EPHA3: variants seen among roughly 807,000 people sequenced by gnomAD.
EPHA3 encodes EPH receptor A3.
A neutral mutation model predicts 107.1 loss-of-function variants in EPHA3; 42 were observed. The ratio of observed to expected loss-of-function variants is 0.39; its 90% CI spans 0.31 to 0.51. The LOEUF (loss-of-function observed/expected upper bound fraction) is 0.51. EPHA3 is among the 20% of genes least tolerant of loss of function. EPHA3 has a pLI of 0.78. For synonymous variants in EPHA3, 461 were observed against 424.8 expected (o/e 1.09, Z -1.05); for missense variants, 1,183 against 1,211.2 (o/e 0.98, Z 0.35).
chr3:89,366,230 G>A (rs1455344146), intron 5 of EPHA3, among the ~76,000 whole-genome samples: 1 of 150,464 alleles, frequency 6.6e-6, no homozygotes, highest in Admixed American at 6.7e-5. Flanking sequence ...GTTCCTTTTG[G>A]TTCCAGAACC....
intron 2 of EPHA3, among the ~76,000 whole-genome samples, chr3:89,148,096 G>A (rs1037391427): frequency 6.6e-6 from 1 of 151,930 alleles, no homozygotes; most frequent in Non-Finnish European, 1.5e-5. Flanking sequence ...GCATGAACTT[G>A]TGTGTTGATT....
intron 5 of EPHA3, among the ~76,000 whole-genome samples, chr3:89,369,014 G>C (rs1708239678): frequency 6.6e-6 from 1 of 150,544 alleles, no homozygotes; most frequent in African/African-American, 2.4e-5. Context: ...TTGAACTCAA[G>C]TAATCTGACA....
chr3:89,439,511 T>C (rs777055439), intron 13 of EPHA3, among the ~76,000 whole-genome samples: 1 of 152,194 alleles, frequency 6.6e-6, no homozygotes, highest in South Asian at 2.1e-4. Flanking sequence ...CAATTGCAAA[T>C]TGTCAGTATC....
intron 13 of EPHA3, among the ~76,000 whole-genome samples, chr3:89,434,838 T>G (rs1043082945): frequency 6.6e-6 from 1 of 152,158 alleles, no homozygotes; most frequent in African/African-American, 2.4e-5. Context: ...ACAAATAGGC[T>G]CATTCACCAC....
At chr3:89,248,079 C>T (rs556661551) in intron 3 of EPHA3, among the ~76,000 whole-genome samples, 25 of 152,124 alleles carry the variant, frequency 1.6e-4, no homozygotes, top group Non-Finnish European at 2.5e-4. Flanking sequence ...TATCAAGTCA[C>T]CTTACTATTT....
At chr3:89,186,505 T>C (rs1254599816) in intron 2 of EPHA3, among the ~76,000 whole-genome samples, 1 of 152,160 alleles carries the variant, frequency 6.6e-6, no homozygotes, top group Non-Finnish European at 1.5e-5. Context: ...AATTTCACTC[T>C]GTGAAATGAG....
chr3:89,251,436 T>A (rs563283289), intron 3 of EPHA3, among the ~76,000 whole-genome samples: 23 of 152,200 alleles, frequency 1.5e-4, no homozygotes, highest in African/African-American at 2.9e-4. Flanking sequence ...ATATATAAAT[T>A]GAAAATGATA....
intron 2 of EPHA3, among the ~76,000 whole-genome samples, chr3:89,181,756 C>T (rs1251214549): frequency 3.9e-5 from 6 of 151,932 alleles, no homozygotes; most frequent in Non-Finnish European, 5.9e-5. Context: ...GGCAGCAGAT[C>T]GTTAAATCTA....
intron 3 of EPHA3, among the ~76,000 whole-genome samples, chr3:89,303,445 C>CAA (rs67736700): frequency 0.33 from 38,136 of 114,262 alleles, 5,290 homozygotes; most frequent in African/African-American, 0.37. Context: ...TATAAAAAGG[C>CAA]AAAAAAAAAA....
intron 2 of EPHA3, among the ~76,000 whole-genome samples, chr3:89,187,469 TTAA>T (rs1197047040): frequency 6.6e-6 from 1 of 151,156 alleles, no homozygotes; most frequent in Admixed American, 6.6e-5. Flanking sequence ...TTAATGTGTA[TTAA>T]TAAATAATTG....
chr3:89,387,251 T>C (rs914647462), intron 5 of EPHA3, among the ~76,000 whole-genome samples: 8 of 152,148 alleles, frequency 5.3e-5, no homozygotes, highest in African/African-American at 1.7e-4. Context: ...CCATGTGTCC[T>C]AGGAGGGAAC....
At chr3:89,475,677 T>A (rs908241193) in intron 16 of EPHA3, among the ~76,000 whole-genome samples, 6 of 152,212 alleles carry the variant, frequency 3.9e-5, no homozygotes, top group Non-Finnish European at 7.3e-5. Flanking sequence ...ATTAAGTGTG[T>A]GGAATGAATA....
At chr3:89,347,794 T>G (rs1351151221) in intron 5 of EPHA3, among the ~76,000 whole-genome samples, 1 of 150,836 alleles carries the variant, frequency 6.6e-6, no homozygotes, top group Non-Finnish European at 1.5e-5. Context: ...GTCCCATCAA[T>G]ACCTAATTTA....
intron 9 of EPHA3, among the ~76,000 whole-genome samples, chr3:89,408,718 G>T (rs369355093): frequency 2.6e-5 from 4 of 151,996 alleles, no homozygotes; most frequent in East Asian, 3.9e-4. Flanking sequence ...CTAACAAAAA[G>T]ACTTTTTTTC....
chr3:89,209,768 T>C, intron 2 of EPHA3, 92 bp from the exon 3 acceptor site: 1 of 1,067,722 alleles, frequency 9.4e-7, no homozygotes, highest in African/African-American at 1.6e-5. Context: ...TAAATGATGA[T>C]TTATTATATA....
At chr3:89,329,875 A>G (rs971346203) in intron 3 of EPHA3, among the ~76,000 whole-genome samples, 2 of 152,052 alleles carry the variant, frequency 1.3e-5, no homozygotes, top group Non-Finnish European at 2.9e-5. Flanking sequence ...TACAAATGTC[A>G]GTGAATATAC....
At chr3:89,147,838 C>G (rs1397714625) in intron 2 of EPHA3, among the ~76,000 whole-genome samples, 2 of 151,690 alleles carry the variant, frequency 1.3e-5, no homozygotes, top group East Asian at 3.9e-4. Context: ...TATATTAGTG[C>G]AAAATAAATT....
intron 5 of EPHA3, among the ~76,000 whole-genome samples, chr3:89,362,986 A>G (rs1427951852): frequency 1.3e-5 from 2 of 151,240 alleles, no homozygotes; most frequent in African/African-American, 2.4e-5. Context: ...TAAGATTTGT[A>G]AGATGATTGA....
At chr3:89,460,492 A>C (rs1306842161) in intron 15 of EPHA3, among the ~76,000 whole-genome samples, 2 of 151,676 alleles carry the variant, frequency 1.3e-5, no homozygotes, top group Non-Finnish European at 2.9e-5. Context: ...GAAGGGATTT[A>C]TTTTTATTAA....
Sources: gnomAD v4.1 joint callset for allele counts (sites outside exome capture counted in the v4.1 genomes callset) on GRCh38, gnomAD v4.1.1 for gene constraint, MANE v1.5 for transcripts, NCBI Gene and HGNC (gene_info 2026-07-23, HGNC 2026-07-21) for gene names.